Variants in RTN3 observed in about 807,000 individuals in gnomAD.
RTN3 encodes the protein reticulon-3.
Under a neutral mutation model 77.8 loss-of-function variants are expected in RTN3, and 49 were observed. The ratio of observed to expected loss-of-function variants is 0.63; its 90% CI spans 0.50 to 0.80. RTN3 has a LOEUF of 0.80. Ranked by LOEUF, RTN3 falls within the 30% of genes least tolerant of loss-of-function variation. The probability of loss-of-function intolerance (pLI) is 0.00; values close to 1 mark genes in which losing one functional copy is unlikely to be tolerated. For missense variants in RTN3, 1,236 were observed against 1,211.9 expected (o/e 1.02, Z -0.29); for synonymous variants, 464 against 446.9 (o/e 1.04, Z -0.48).
chr11:63,699,932 G>C (rs1258129341), intron 1 of RTN3, among the ~76,000 whole-genome samples: 1 of 152,138 alleles, frequency 6.6e-6, no homozygotes, highest in Non-Finnish European at 1.5e-5. Flanking sequence ...GATCATTCTG[G>C]GGTTCAGTTC....
Position 63,719,673 on chromosome 11 carries a change from T to G in RTN3, c.1171T>G (p.Ser391Ala). Residue 391 changes from serine to alanine, a missense_variant, in exon 3 of 9, where the codon TCT becomes GCT. By Grantham distance (99) the Ser-to-Ala change is moderately conservative (BLOSUM62 1). Coordinates refer to ENST00000377819, the MANE Select transcript of RTN3 (RefSeq NM_001265589.2). ...TSTHQKTPVC[S>A]IDGSTPITKS... ...CACTCATCAGAAAACTCCTGTATGT[T>G]CTATTGATGGGAGCACTCCCATCAC... 1 of 1,614,156 alleles carries G rather than the reference T, an allele frequency of 6.2e-7. No individual in the cohort carries two copies. The highest frequency in any genetic ancestry group is 8.5e-7 in the Non-Finnish European group (1 of 1,180,026).
At chr11:63,692,222 C>T (rs1380130428) in intron 1 of RTN3, among the ~76,000 whole-genome samples, 1 of 152,078 alleles carries the variant, frequency 6.6e-6, no homozygotes, top group Admixed American at 6.6e-5. Flanking sequence ...AGGATTTCAC[C>T]ATGTTGGTCA....
Position 63,753,734 on chromosome 11 carries a change from A to T in RTN3, c.2994+26A>T, listed in dbSNP as rs142882734. The T allele has an allele frequency of 6.2e-4, 1,000 of 1,603,532 alleles. 3 individuals are homozygous for T. The African/African-American group carries it at 0.012, about 20-fold the overall frequency. ...GTAAGCATTTATCTGTTCCAAATCAAATGTGCCAGTTGATGTATGACTAGT... is the reference window on the plus strand; with the variant it reads ...GTAAGCATTTATCTGTTCCAAATCATATGTGCCAGTTGATGTATGACTAGT... On this transcript the variant is annotated intron_variant, in intron 7 of 8. Transcript: ENST00000377819.
Position 63,701,290 on chromosome 11 carries a change from G to T in RTN3, c.143-3561G>T, listed in dbSNP as rs543170599. On this transcript the variant is annotated intron_variant, in intron 1 of 8. Coordinates refer to ENST00000377819, the MANE Select transcript of RTN3 (RefSeq NM_001265589.2). The stretch of plus-strand genomic sequence containing the variant: ...TATAGTTGGACTGGGCCAGTATGTT[G>T]CCCTTTCATACTGGTTTCTTTCACA... Among the ~76,000 whole-genome samples, 202 of 151,940 alleles carry T rather than the reference G, an allele frequency of 1.3e-3. 2 individuals are homozygous for T. Among genetic ancestry groups the T allele is most frequent in the African/African-American group, 4.8e-3 (197 of 41,420 alleles).
chr11:63,727,319 C>T (rs774812277), intron 3 of RTN3, among the ~76,000 whole-genome samples: 2 of 152,148 alleles, frequency 1.3e-5, no homozygotes, highest in Non-Finnish European at 2.9e-5. Context: ...GAAATTATAA[C>T]TCAGTCTGAA....
At chr11:63,714,317 C>A (rs1349995565) in intron 2 of RTN3, 1 of 320,580 alleles carries the variant, frequency 3.1e-6, no homozygotes, top group Non-Finnish European at 6.1e-6. Context: ...CTGCATCTCA[C>A]AATCACTGAG....
chr11:63,711,996 T>A (rs1236365051), intron 2 of RTN3, among the ~76,000 whole-genome samples: 4 of 152,244 alleles, frequency 2.6e-5, no homozygotes, highest in African/African-American at 9.6e-5. Flanking sequence ...TATGCCAGGC[T>A]GGGCTCTCAA....
chr11:63,684,129 G>GTTTTTTTTTTTTTTTTTTTTTTTTTT (rs61663789), intron 1 of RTN3, among the ~76,000 whole-genome samples: 1 of 85,258 alleles, frequency 1.2e-5, no homozygotes, highest in Non-Finnish European at 2.0e-5. Flanking sequence ...TTTTCTTTTG[G>GTTTTTTTTTTTTTTTTTTTTTTTTTT]TTTTTTTTTT....
In RTN3 at chr11:63,750,078, T is replaced by C; in HGVS notation, c.2618T>C (p.Phe873Ser). The C allele has an allele frequency of 1.2e-6, 2 of 1,613,484 alleles. No individual in the cohort carries two copies. The highest frequency in any genetic ancestry group is 1.7e-6 in the Non-Finnish European group (2 of 1,179,572). Reference sequence around the variant, plus strand: ...ATCATGCTGCTTTCCCTGGCAGCTTTCAGTGTCATCAGTGTGGTTTCTTAC... The same window carrying C: ...ATCATGCTGCTTTCCCTGGCAGCTTCCAGTGTCATCAGTGTGGTTTCTTAC... Reference protein sequence around the residue: ...TLIMLLSLAAFSVISVVSYLI... With the variant: ...TLIMLLSLAASSVISVVSYLI... The change falls in exon 4 of 9, where the codon TTC becomes TCC. Residue 873 changes from phenylalanine (F) to serine (S), a missense_variant. By Grantham distance (155) the Phe-to-Ser change is radical (BLOSUM62 -2). This residue lies in a region of RTN3 where 39 missense variants were observed against 66.6 expected (regional missense o/e 0.59). Transcript: ENST00000377819.
Position 63,724,364 on chromosome 11 carries a change from T to C in RTN3, c.2530+3332T>C, listed in dbSNP as rs189630705. On this transcript the variant is annotated intron_variant, in intron 3 of 8. Coordinates refer to ENST00000377819, the MANE Select transcript of RTN3 (RefSeq NM_001265589.2). ...CGCCCGGCTAATTTTTTGTATTTTT[T>C]AGTACAGACGGGGTTTCACCATGTT... Among the ~76,000 whole-genome samples, 65 of 143,400 alleles carry C rather than the reference T, an allele frequency of 4.5e-4. No individual in the cohort carries two copies. The East Asian group carries it at 0.013, about 28-fold the overall frequency. The allele number at this position is 143,400 out of a possible 152,430, so 94.1% of individuals were successfully genotyped here. A position where few individuals can be genotyped will look rare whatever the true frequency, so the allele number is the denominator to read the frequency against.
At chr11:63,742,998 G>A (rs1415509015) in intron 3 of RTN3, among the ~76,000 whole-genome samples, 2 of 151,984 alleles carry the variant, frequency 1.3e-5, no homozygotes, top group Non-Finnish European at 2.9e-5. Flanking sequence ...CTTCTGCCTC[G>A]GCTTCCCGAG....
intron 2 of RTN3, among the ~76,000 whole-genome samples, chr11:63,717,869 G>C (rs1406743743): frequency 1.3e-5 from 2 of 151,778 alleles, no homozygotes; most frequent in African/African-American, 4.8e-5. Flanking sequence ...ACAAAAATTA[G>C]CTGGGCTTGA....
chr11:63,755,877 T>C (rs2014355123), intron 7 of RTN3, among the ~76,000 whole-genome samples: 1 of 151,502 alleles, frequency 6.6e-6, no homozygotes, highest in South Asian at 2.1e-4. Context: ...GAGAATGGCG[T>C]GAACCCGGGA....
Position 63,719,367 on chromosome 11 carries a change from G to A in RTN3, c.865G>A (p.Glu289Lys). 6.2e-7 allele frequency: 1 copy of A among 1,614,204 alleles called. No individual in the cohort carries two copies. Among genetic ancestry groups the A allele is most frequent in the Non-Finnish European group, 8.5e-7 (1 of 1,180,042 alleles). The change falls in exon 3 of 9, where the codon GAG (glutamate) becomes AAG (lysine). Residue 289 changes from glutamate to lysine, a missense_variant. Glu to Lys is a moderately conservative substitution (Grantham distance 56). This residue lies in a region of RTN3 where 1,056 missense variants were observed against 990.4 expected (regional missense o/e 1.07). Transcript: ENST00000377819. ...TAAAGAATCATCCGAAGACATTTCA[G>A]AGACTAATGACAAGCTTTTTCCACT... ...TDKESSEDISETNDKLFPLRN... is the reference protein window; with the variant it reads ...TDKESSEDISKTNDKLFPLRN...
chr11:63,712,484 T>A (rs1328469572), intron 2 of RTN3, among the ~76,000 whole-genome samples: 1 of 816 alleles, frequency 1.2e-3, no homozygotes, highest in Non-Finnish European at 0.016. Context: ...AGGACTTTGA[T>A]TTTTTTTTTT....
In RTN3 at chr11:63,753,146, G is replaced by A. The variant is rs768305995; in HGVS notation, c.2947+8G>A. 1.1e-5 allele frequency: 17 copies of A among 1,612,990 alleles called. No individual in the cohort carries two copies. In the African/African-American group the frequency reaches 1.2e-4, roughly 11 times the overall value. ...TCACCCTTCTAATTCTTGGTAAGGT[G>A]GCAAGGAGAATGTGCCCATGCTCTT... is the stretch of plus-strand genomic sequence containing the variant. On this transcript the variant is annotated splice_region_variant and intron_variant, in intron 6 of 8. Coordinates refer to ENST00000377819, the MANE Select transcript of RTN3 (RefSeq NM_001265589.2).
intron 3 of RTN3, among the ~76,000 whole-genome samples, chr11:63,723,463 G>T (rs1469533276): frequency 1.4e-5 from 2 of 142,450 alleles, no homozygotes; most frequent in Non-Finnish European, 3.0e-5. Context: ...TCACTCTGTT[G>T]CCCAGGCTGG....
chr11:63,724,514 CAG>C (rs1180955565), intron 3 of RTN3, among the ~76,000 whole-genome samples: 9 of 80,824 alleles, frequency 1.1e-4, no homozygotes, highest in African/African-American at 4.6e-4. Flanking sequence ...TTTTTAAAGA[CAG>C]AGTCTCACCG....
At position 63,722,263 on chromosome 11, in the gene RTN3, A is replaced by G. The variant is rs11231571; in HGVS notation, c.2530+1231A>G. On this transcript the variant is annotated intron_variant, in intron 3 of 8. Coordinates refer to ENST00000377819, the MANE Select transcript of RTN3 (RefSeq NM_001265589.2). ...TAGATCTTTTATCAAATGAAATCAT[A>G]CACAGAGTTGTAGTATTTACAAGAA... Among the ~76,000 whole-genome samples, 22 of 152,356 alleles carry G rather than the reference A, an allele frequency of 1.4e-4. 1 individual carries two copies. The East Asian group carries it at 4.2e-3, about 29-fold the overall frequency.
Sources: gnomAD v4.1 joint callset for allele counts (sites outside exome capture counted in the v4.1 genomes callset) on GRCh38, gnomAD v4.1.1 for gene constraint, gnomAD v4.1.1 regional missense constraint, MANE v1.5 for transcripts, NCBI Gene and HGNC (gene_info 2026-07-23, HGNC 2026-07-21) for gene names.